IP6K3: variants seen among roughly 807,000 people sequenced by gnomAD.
IP6K3 encodes ATP:1D-myo-inositol-hexakisphosphate phosphotransferase.
In IP6K3, 20 loss-of-function variants were observed where a neutral mutation model predicts 28.8. The ratio of observed to expected loss-of-function variants is 0.70; its 90% CI spans 0.49 to 1.01. The LOEUF (loss-of-function observed/expected upper bound fraction) is 1.01. Ranked by LOEUF, IP6K3 falls within the 50% of genes least tolerant of loss-of-function variation. The pLI is 0.00. For synonymous variants in IP6K3, 213 were observed against 221.3 expected, an observed-to-expected ratio of 0.96 and a Z score of 0.33; for missense variants, 480 against 537.1, an observed-to-expected ratio of 0.89 and a Z score of 1.05.
chr6:33,760,066 C>T, the IP6K3 span, among the ~76,000 whole-genome samples: 78 of 152,148 alleles, frequency 5.1e-4, 1 homozygote, highest in Non-Finnish European at 2.6e-4. Context: ...AGACAGATGC[C>T]GATGTGAAAA....
chr6:33,760,287 G>A, the IP6K3 span, among the ~76,000 whole-genome samples: 1 of 152,208 alleles, frequency 6.6e-6, no homozygotes. Flanking sequence ...CTTCCCCCAT[G>A]GGTCATCCAG....
At chr6:33,743,061 G>A (rs775174812) in intron 1 of IP6K3, among the ~76,000 whole-genome samples, 3 of 152,166 alleles carry the variant, frequency 2.0e-5, no homozygotes, top group African/African-American at 4.8e-5. Flanking sequence ...GCAGCAGGGC[G>A]TCTGCAGAGG....
At chr6:33,751,500 GTGTGTGTGTGTGTGTGTGTT>G (rs1191186868), upstream of IP6K3, among the ~76,000 whole-genome samples, 29 of 123,370 alleles carry the variant, frequency 2.4e-4, no homozygotes, top group Non-Finnish European at 5.7e-5. This position sits in a 1 kb window ranked among gnomAD's most constrained non-coding sequence, Gnocchi z 4.3. Flanking sequence ...GTGTGTGTGT[GTGTGTGTGTGTGTGTGTGTT>G]TGGCCCCGGG....
chr6:33,740,089 C>T (rs909419203), intron 1 of IP6K3, among the ~76,000 whole-genome samples: 2 of 152,184 alleles, frequency 1.3e-5, no homozygotes, highest in Non-Finnish European at 2.9e-5. Context: ...CTCTTTAGTG[C>T]TTTGAAGGGA....
At position 33,728,288 on chromosome 6, in the gene IP6K3, A is replaced by AT; in HGVS notation, c.211_212insA (p.Val71AspfsTer97). ...GCCTGTGCTGTCTTTCCAGAGGTGCACTGTGACGGTACCTGCAAACACACA... is the reference window on the plus strand; with the variant it reads ...GCCTGTGCTGTCTTTCCAGAGGTGCATCTGTGACGGTACCTGCAAACACACA... On this transcript the variant is annotated frameshift_variant, in exon 3 of 6. Transcript: ENST00000293756. LOFTEE classifies it high-confidence loss of function. 1 of 1,614,158 alleles carries AT rather than the reference A, an allele frequency of 6.2e-7. No homozygotes were observed.
At chr6:33,736,730 A>G (rs182696163) in intron 1 of IP6K3, among the ~76,000 whole-genome samples, 7 of 152,288 alleles carry the variant, frequency 4.6e-5, no homozygotes, top group Non-Finnish European at 4.4e-5. Context: ...TTTGTACAGC[A>G]TGGGTGTGCA....
rs192472405 is a variant in IP6K3, at chr6:33,742,269, C to T, written c.-180+4489G>A. The stretch of plus-strand genomic sequence containing the variant: ...TCTGACCACGTGCAGTCTGCTTGGA[C>T]GGGGAGTGGCTGCTGAGTTGCTCTG... On this transcript the variant is annotated intron_variant, in intron 1 of 5. Transcript: ENST00000293756. The surrounding 1 kb of genome is among the most constrained non-coding windows in gnomAD (Gnocchi z 4.5). 3.3e-5 allele frequency among the ~76,000 whole-genome samples: 5 copies of T among 152,256 alleles called. No individual in the cohort carries two copies. Among genetic ancestry groups the T allele is most frequent in the South Asian group, 2.1e-4 (1 of 4,818 alleles).
At chr6:33,756,092 G>A in the IP6K3 span, among the ~76,000 whole-genome samples, 2 of 152,166 alleles carry the variant, frequency 1.3e-5, no homozygotes, top group Non-Finnish European at 2.9e-5. Context: ...TCGAACTCCT[G>A]ACCTCAGGTG....
intron 1 of IP6K3, among the ~76,000 whole-genome samples, chr6:33,738,026 C>T (rs1766589792): frequency 6.6e-6 from 1 of 152,232 alleles, no homozygotes; most frequent in Non-Finnish European, 1.5e-5. Context: ...ATGCCAGTTG[C>T]CTGTAAACCC....
the IP6K3 span, among the ~76,000 whole-genome samples, chr6:33,753,712 G>T: frequency 6.6e-6 from 1 of 152,132 alleles, no homozygotes; most frequent in Admixed American, 6.5e-5. Context: ...TAGCTCACGT[G>T]GACTTTTCCT....
intron 4 of IP6K3, 106 bp downstream of exon 4, chr6:33,726,625 C>A: frequency 8.6e-7 from 1 of 1,164,522 alleles, no homozygotes; most frequent in Non-Finnish European, 1.2e-6. Context: ...CTGCTACCCT[C>A]CATTGGCCCC....
At position 33,735,386 on chromosome 6, in the gene IP6K3, C is replaced by T. The variant is rs142228010; in HGVS notation, c.91G>A (p.Val31Met). Residue 31 changes from valine to methionine, a missense_variant, in exon 2 of 6, where the codon GTG (valine) becomes ATG (methionine). Val to Met is a conservative substitution (Grantham distance 21). Transcript: ENST00000293756. Reference protein sequence around the residue: ...FLHQVGGHMSVMKYDEHTVCK... With the variant: ...FLHQVGGHMSMMKYDEHTVCK... ...ACCGTATGCTCGTCATACTTCATCA[C>T]GCTCATGTGCCCCCCGACCTGGTGC... The T allele has an allele frequency of 1.4e-4, 220 of 1,606,096 alleles. 1 individual carries two copies. Among genetic ancestry groups the T allele is most frequent in the African/African-American group, 4.1e-4 (31 of 74,810 alleles).
chr6:33,755,487 G>A, the IP6K3 span, among the ~76,000 whole-genome samples: 1 of 152,254 alleles, frequency 6.6e-6, no homozygotes, highest in Non-Finnish European at 1.5e-5. Flanking sequence ...TGAATTGGAG[G>A]TGACCACAGG....
chr6:33,748,633 C>G (rs1446065811), upstream of IP6K3, among the ~76,000 whole-genome samples: 1 of 138,292 alleles, frequency 7.2e-6, no homozygotes, highest in South Asian at 2.8e-4. Flanking sequence ...CACAGAGAGA[C>G]CCTGTCTCCA....
chr6:33,751,522 G>GTGTGT (rs1554146748), upstream of IP6K3, among the ~76,000 whole-genome samples: 2 of 143,496 alleles, frequency 1.4e-5, no homozygotes, highest in Non-Finnish European at 3.1e-5. The surrounding 1 kb of genome is among the most constrained non-coding windows in gnomAD (Gnocchi z 4.3). Flanking sequence ...GTGTGTGTTT[G>GTGTGT]GCCCCGGGAA....
chr6:33,734,693 C>T (rs1037143632), intron 2 of IP6K3, among the ~76,000 whole-genome samples: 3 of 152,222 alleles, frequency 2.0e-5, no homozygotes, highest in African/African-American at 7.2e-5. Context: ...CACTTTCTTT[C>T]CCCAGAACCC....
At chr6:33,728,564 CT>C (rs1440140307) in intron 2 of IP6K3, among the ~76,000 whole-genome samples, 1 of 152,250 alleles carries the variant, frequency 6.6e-6, no homozygotes, top group Non-Finnish European at 1.5e-5. Context: ...TTCCCTGCCT[CT>C]TTGCGCTTTC....
At chr6:33,758,012 G>A in the IP6K3 span, among the ~76,000 whole-genome samples, 130 of 152,286 alleles carry the variant, frequency 8.5e-4, 1 homozygote, top group East Asian at 0.016. Context: ...ATGGCGTGGC[G>A]TCTGGGAGGC....
chr6:33,736,102 G>A (rs574076047), intron 1 of IP6K3, among the ~76,000 whole-genome samples: 1 of 152,312 alleles, frequency 6.6e-6, no homozygotes. Context: ...CTGAGCTCAA[G>A]TGATCCACCC....
Sources: allele counts gnomAD v4.1 joint callset (sites outside exome capture counted in the v4.1 genomes callset), GRCh38; gene constraint gnomAD v4.1.1; non-coding constraint Gnocchi (gnomAD v3.1); transcripts MANE v1.5; gene names NCBI Gene and HGNC (gene_info 2026-07-23, HGNC 2026-07-21).